The following CTNNA2 variants were observed in gnomAD, a reference collection of about 807,000 sequenced individuals.
CTNNA2 encodes the protein catenin alpha 2.
Under a neutral mutation model 101.0 loss-of-function variants are expected in CTNNA2, and 42 were observed. The observed-to-expected ratio is 0.42, with a 90% CI of 0.32 to 0.54. CTNNA2 has a LOEUF of 0.54. Ranked by LOEUF, CTNNA2 falls within the 20% of genes least tolerant of loss-of-function variation. CTNNA2 has a pLI of 0.14. For missense variants in CTNNA2, 871 were observed against 1,223.1 expected (o/e 0.71, Z 4.29); for synonymous variants, 450 against 456.4 (o/e 0.99, Z 0.18).
intron 9 of CTNNA2, among the ~76,000 whole-genome samples, chr2:80,471,028 G>A (rs1685261896): frequency 6.6e-6 from 1 of 152,170 alleles, no homozygotes; most frequent in South Asian, 2.1e-4. Flanking sequence ...GACATAACTT[G>A]GAGTGATGTG....
intron 7 of CTNNA2, among the ~76,000 whole-genome samples, chr2:80,069,880 T>C (rs1468969179): frequency 6.6e-6 from 1 of 152,240 alleles, no homozygotes; most frequent in Admixed American, 6.5e-5. Context: ...TTTTATGTGG[T>C]AGGTTGACCC....
intron 4 of CTNNA2, among the ~76,000 whole-genome samples, chr2:79,453,132 A>G (rs1670775666): frequency 6.6e-6 from 1 of 152,156 alleles, no homozygotes; most frequent in African/African-American, 2.4e-5. Context: ...TGTCTTGGAT[A>G]TCAGCTATGT....
intron 9 of CTNNA2, among the ~76,000 whole-genome samples, chr2:80,469,018 C>T (rs961446285): frequency 3.3e-5 from 5 of 152,130 alleles, no homozygotes; most frequent in East Asian, 1.9e-4. Context: ...GGAGGCAGGA[C>T]GGAGGTGTTG....
chr2:79,915,027 C>T (rs1483021549), intron 7 of CTNNA2, among the ~76,000 whole-genome samples: 1 of 151,708 alleles, frequency 6.6e-6, no homozygotes, highest in African/African-American at 2.4e-5. Flanking sequence ...AGGTTATTTC[C>T]AGCCCGGTTT....
chr2:80,164,293 T>G (rs1358797650), intron 7 of CTNNA2, among the ~76,000 whole-genome samples: 2 of 152,012 alleles, frequency 1.3e-5, no homozygotes, highest in Admixed American at 6.6e-5. Flanking sequence ...AATTCTGTTT[T>G]ACTTATCTAT....
intron 7 of CTNNA2, among the ~76,000 whole-genome samples, chr2:80,111,853 G>A (rs191265981): frequency 6.6e-6 from 1 of 152,288 alleles, no homozygotes; most frequent in African/African-American, 2.4e-5. Flanking sequence ...ACGTAGAGGT[G>A]TTTTGAAGTT....
At chr2:80,160,905 T>G (rs1245548072) in intron 7 of CTNNA2, among the ~76,000 whole-genome samples, 2 of 152,044 alleles carry the variant, frequency 1.3e-5, no homozygotes. Flanking sequence ...TTTTTTTTTT[T>G]GGTAGATACA....
At chr2:79,570,819 G>A (rs1016303038) in intron 1 of CTNNA2, among the ~76,000 whole-genome samples, 3 of 152,066 alleles carry the variant, frequency 2.0e-5, no homozygotes, top group African/African-American at 7.2e-5. Flanking sequence ...TAGATTAAAT[G>A]TCATACAGAG....
chr2:79,829,398 CACACACACACACACACAGACACAA>C (rs1340036352), intron 3 of CTNNA2, among the ~76,000 whole-genome samples: 49 of 137,206 alleles, frequency 3.6e-4, no homozygotes, highest in African/African-American at 1.2e-3. Context: ...CACACACACA[CACACACACACACACACAGACACAA>C]AGCCGGGCGA....
intron 7 of CTNNA2, among the ~76,000 whole-genome samples, chr2:79,982,344 A>G (rs1261477942): frequency 1.8e-5 from 2 of 110,446 alleles, no homozygotes; most frequent in South Asian, 2.9e-4. Flanking sequence ...TAAAACATAT[A>G]TAACCTATAT....
intron 9 of CTNNA2, among the ~76,000 whole-genome samples, chr2:80,494,197 G>A (rs1265015516): frequency 1.3e-5 from 2 of 152,148 alleles, no homozygotes; most frequent in Non-Finnish European, 2.9e-5. Flanking sequence ...TTAAACATAA[G>A]GAGTGTATTT....
In CTNNA2 at chr2:79,745,355, C is replaced by T. The variant is rs770726158; in HGVS notation, c.298+773C>T. Among the ~76,000 whole-genome samples the T allele has an allele frequency of 5.3e-5, 8 of 151,896 alleles. No homozygotes were observed. The South Asian group carries it at 1.0e-3, about 20-fold the overall frequency. On this transcript the variant is annotated intron_variant, in intron 3 of 18. Coordinates refer to ENST00000402739, the MANE Select transcript of CTNNA2 (RefSeq NM_001282597.3). Reference sequence around the variant, plus strand: ...CTGAGACAGGAGAATTGCTAGAACCCGGGAGGCGGAGGTTGCAGTGAGCCA... The same window carrying T: ...CTGAGACAGGAGAATTGCTAGAACCTGGGAGGCGGAGGTTGCAGTGAGCCA...
intron 13 of CTNNA2, among the ~76,000 whole-genome samples, chr2:80,580,956 T>C (rs956498456): frequency 2.0e-5 from 3 of 152,064 alleles, no homozygotes; most frequent in South Asian, 4.1e-4. Flanking sequence ...GTGGAAGTTA[T>C]AGTGAGCCAA....
At chr2:80,512,092 G>A (rs1436745681) in intron 9 of CTNNA2, among the ~76,000 whole-genome samples, 2 of 139,230 alleles carry the variant, frequency 1.4e-5, no homozygotes, top group African/African-American at 5.4e-5. Flanking sequence ...AAAGGTTGCA[G>A]TGAGCCGAGA....
chr2:80,390,482 T>C (rs1485051188), intron 7 of CTNNA2, among the ~76,000 whole-genome samples: 1 of 152,180 alleles, frequency 6.6e-6, no homozygotes, highest in Admixed American at 6.5e-5. Flanking sequence ...AGATCCCACA[T>C]GTTGCCCTTC....
chr2:79,452,408 T>C (rs1670766582), intron 4 of CTNNA2, among the ~76,000 whole-genome samples: 1 of 151,894 alleles, frequency 6.6e-6, no homozygotes, highest in African/African-American at 2.4e-5. Context: ...ATGAAAGTAG[T>C]ATGTTTTTTC....
chr2:79,897,215 G>A (rs1043132955), intron 6 of CTNNA2, among the ~76,000 whole-genome samples: 4 of 151,844 alleles, frequency 2.6e-5, no homozygotes, highest in Non-Finnish European at 4.4e-5. Flanking sequence ...GAAACTTGTC[G>A]GGTCCTAGAT....
intron 7 of CTNNA2, among the ~76,000 whole-genome samples, chr2:80,230,718 T>C (rs1709160798): frequency 6.6e-6 from 1 of 152,188 alleles, no homozygotes. Flanking sequence ...ATTTTGTTGT[T>C]ATCCAGAGGA....
At chr2:79,472,410 C>T (rs1251930521) in intron 4 of CTNNA2, among the ~76,000 whole-genome samples, 1 of 152,188 alleles carries the variant, frequency 6.6e-6, no homozygotes, top group Non-Finnish European at 1.5e-5. Context: ...GTAAGAAAGA[C>T]AATGGTCCCA....
Sources: allele counts gnomAD v4.1 joint callset (sites outside exome capture counted in the v4.1 genomes callset), GRCh38; gene constraint gnomAD v4.1.1; transcripts MANE v1.5; gene names NCBI Gene and HGNC (gene_info 2026-07-23, HGNC 2026-07-21).